The following PAH variants were observed in gnomAD, a reference collection of about 807,000 sequenced individuals.
PAH encodes phenylalanine hydroxylase, also known as phenylalanine-4-hydroxylase.
PAH carries 64 observed loss-of-function variants against 62.0 expected under a neutral mutation model. That is an observed-to-expected ratio of 1.03 (90% CI 0.84 to 1.27). The LOEUF is 1.27. PAH is among the 50% of genes most tolerant of loss of function. PAH has a pLI of 0.00. For missense variants in PAH, 579 were observed against 542.8 expected (o/e 1.07, Z -0.66); for synonymous variants, 195 against 196.2 (o/e 0.99, Z 0.05).
chr12:102,955,277 C>T (rs940444102), upstream of PAH, among the ~76,000 whole-genome samples: 5 of 152,216 alleles, frequency 3.3e-5, no homozygotes, highest in South Asian at 2.1e-4. Flanking sequence ...AAAGGAAACA[C>T]GTGCTGGCTA....
chr12:102,872,228 G>A (rs1487687070), intron 4 of PAH, among the ~76,000 whole-genome samples: 1 of 152,098 alleles, frequency 6.6e-6, no homozygotes, highest in African/African-American at 2.4e-5. Flanking sequence ...TGGCTTTATT[G>A]TCTTATGGAA....
intron 1 of PAH, among the ~76,000 whole-genome samples, chr12:102,943,337 A>G (rs979335877): frequency 6.6e-6 from 1 of 152,218 alleles, no homozygotes. Context: ...ATCACTAATC[A>G]TTAGAGAAAT....
chr12:102,927,776 G>A (rs1878727379), intron 1 of PAH, among the ~76,000 whole-genome samples: 1 of 152,056 alleles, frequency 6.6e-6, no homozygotes, highest in African/African-American at 2.4e-5. Context: ...ACGTCAAGAA[G>A]CATACACCCC....
chr12:102,929,974 C>T (rs1251703941), intron 1 of PAH, among the ~76,000 whole-genome samples: 1 of 152,096 alleles, frequency 6.6e-6, no homozygotes, highest in African/African-American at 2.4e-5. Context: ...GGAACTGGGA[C>T]TCATTGAGAT....
intron 3 of PAH, among the ~76,000 whole-genome samples, chr12:102,890,903 C>T (rs1217460661): frequency 2.6e-5 from 4 of 151,964 alleles, no homozygotes; most frequent in African/African-American, 4.8e-5. Flanking sequence ...AACAACATGG[C>T]GAAACCCCGT....
At chr12:102,897,453 G>A (rs900840443) in intron 2 of PAH, among the ~76,000 whole-genome samples, 3 of 86,878 alleles carry the variant, frequency 3.5e-5, no homozygotes, top group East Asian at 5.1e-4. Flanking sequence ...TCATATATAT[G>A]TGTGTGTGTG....
chr12:102,912,594 A>G (rs1050735568), intron 2 of PAH, among the ~76,000 whole-genome samples, 197 bp downstream of exon 2: 3 of 152,162 alleles, frequency 2.0e-5, no homozygotes, highest in Non-Finnish European at 2.9e-5. Context: ...TCAGCACTAT[A>G]TTATGAATGG....
At chr12:102,945,537 T>A (rs1879461115) in intron 1 of PAH, among the ~76,000 whole-genome samples, 1 of 152,020 alleles carries the variant, frequency 6.6e-6, no homozygotes, top group African/African-American at 2.4e-5. Context: ...CATTCTTCCC[T>A]CCCCTTTCCA....
At chr12:102,859,341 C>T (rs1286954259) in intron 5 of PAH, among the ~76,000 whole-genome samples, 1 of 152,012 alleles carries the variant, frequency 6.6e-6, no homozygotes, top group Non-Finnish European at 1.5e-5. Flanking sequence ...AATAGCCTAC[C>T]CACCAAAAAA....
chr12:102,887,785 T>C (rs1877104427), intron 3 of PAH, among the ~76,000 whole-genome samples: 1 of 152,166 alleles, frequency 6.6e-6, no homozygotes, highest in African/African-American at 2.4e-5. Flanking sequence ...CAAACCTAGC[T>C]AGTAGTGTAC....
At chr12:102,853,322 G>A (rs1875263182) in intron 6 of PAH, 3 of 331,204 alleles carry the variant, frequency 9.1e-6, no homozygotes, top group South Asian at 7.8e-5. Context: ...TACTTCTCCT[G>A]CTTCTAGAGT....
chr12:102,937,226 T>C (rs1369236971), intron 1 of PAH, among the ~76,000 whole-genome samples: 1 of 152,210 alleles, frequency 6.6e-6, no homozygotes, highest in Non-Finnish European at 1.5e-5. Flanking sequence ...AAAGAACTAA[T>C]ACTGAGAGTT....
intron 5 of PAH, among the ~76,000 whole-genome samples, chr12:102,865,848 A>G (rs546827884): frequency 6.6e-6 from 1 of 152,306 alleles, no homozygotes; most frequent in South Asian, 2.1e-4. Flanking sequence ...CAAAGCTGTC[A>G]AAGTACTATG....
intron 5 of PAH, among the ~76,000 whole-genome samples, chr12:102,858,193 A>G (rs1164362271): frequency 1.3e-5 from 2 of 152,204 alleles, no homozygotes; most frequent in Non-Finnish European, 2.9e-5. Context: ...CTGATAAAAC[A>G]GACTTTAAAC....
At position 102,912,832 on chromosome 12, in the gene PAH, CTTT is replaced by C. The variant is rs1555209578; in HGVS notation, c.124_126del (p.Lys42del). ...ACTTTGGCCAATGCACCAACTTCTT[CTTT>C]GAGTGAGAAGATCAGTGATATGGCA... On this transcript the variant is annotated inframe_deletion, in exon 2 of 13. Coordinates refer to ENST00000553106, the MANE Select transcript of PAH (RefSeq NM_000277.3). 6.2e-7 allele frequency: 1 copy of C among 1,613,782 alleles called. No individual in the cohort carries two copies. The highest frequency in any genetic ancestry group is 8.5e-7 in the Non-Finnish European group (1 of 1,179,756).
chr12:102,941,798 T>A (rs1378719339), intron 1 of PAH, among the ~76,000 whole-genome samples: 1 of 152,054 alleles, frequency 6.6e-6, no homozygotes, highest in Non-Finnish European at 1.5e-5. Flanking sequence ...TAAATGTGAT[T>A]TATCACAAAA....
chr12:102,954,140 C>CT (rs1444530513), upstream of PAH, among the ~76,000 whole-genome samples: 2 of 152,260 alleles, frequency 1.3e-5, no homozygotes, highest in Non-Finnish European at 2.9e-5. Context: ...AGTGGCTCTG[C>CT]TGAAGCCCCT....
intron 7 of PAH, 148 bp downstream of exon 7, chr12:102,852,667 T>G: frequency 1.0e-6 from 1 of 955,010 alleles, no homozygotes. Context: ...ATCTCCAGAA[T>G]AGATGAATTG....
chr12:102,928,554 C>T (rs1401733139), intron 1 of PAH, among the ~76,000 whole-genome samples: 1 of 152,038 alleles, frequency 6.6e-6, no homozygotes, highest in African/African-American at 2.4e-5. Context: ...ACTTAGAGAC[C>T]CCTGACCCTT....
Sources: allele counts gnomAD v4.1 joint callset (sites outside exome capture counted in the v4.1 genomes callset), GRCh38; gene constraint gnomAD v4.1.1; transcripts MANE v1.5; gene names NCBI Gene and HGNC (gene_info 2026-07-23, HGNC 2026-07-21).